PCDHA6: variants seen among roughly 807,000 people sequenced by gnomAD.
PCDHA6 encodes the protein protocadherin alpha-6.
A neutral mutation model predicts 60.3 loss-of-function variants in PCDHA6; 55 were observed. The observed-to-expected ratio is 0.91, with a 90% CI of 0.73 to 1.14. The LOEUF is 1.14. Among genes scored for constraint, PCDHA6 ranks in the 50% most tolerant of loss-of-function variants. The pLI, the probability that PCDHA6 is intolerant of heterozygous loss-of-function variation, is 0.00. For synonymous variants in PCDHA6, 652 were observed against 557.9 expected (o/e 1.17, Z -2.38); for missense variants, 1,327 against 1,256.5 (o/e 1.06, Z -0.85).
At chr5:140,938,336 A>G (rs1251086891) in intron 1 of PCDHA6, among the ~76,000 whole-genome samples, 1 of 152,204 alleles carries the variant, frequency 6.6e-6, no homozygotes, top group African/African-American at 2.4e-5. Context: ...ATGTTAATGG[A>G]TAATCTTGTC....
chr5:140,863,393 C>T (rs782189753), intron 1 of PCDHA6: 2 of 924,736 alleles, frequency 2.2e-6, no homozygotes, highest in African/African-American at 1.7e-5. Context: ...TCGTGCATGC[C>T]GGGCAAGCCC....
At chr5:140,947,106 C>T (rs1172898991) in intron 1 of PCDHA6, among the ~76,000 whole-genome samples, 2 of 151,140 alleles carry the variant, frequency 1.3e-5, no homozygotes, top group Non-Finnish European at 3.0e-5. Context: ...TAAATAGGTA[C>T]GTGTCAATTA....
At chr5:140,863,216 C>T (rs781920741) in intron 1 of PCDHA6, 10 of 1,084,230 alleles carry the variant, frequency 9.2e-6, no homozygotes, top group African/African-American at 3.2e-5. Flanking sequence ...AGCAGCCAAG[C>T]GAGGAAGGTC....
intron 1 of PCDHA6, among the ~76,000 whole-genome samples, chr5:140,950,237 A>G (rs1192417956): frequency 6.6e-6 from 1 of 151,954 alleles, no homozygotes; most frequent in African/African-American, 2.4e-5. Flanking sequence ...AGTGCCATTA[A>G]TTTGTTCCTA....
chr5:140,944,464 G>T (rs2093661298), intron 1 of PCDHA6, among the ~76,000 whole-genome samples: 1 of 152,158 alleles, frequency 6.6e-6, no homozygotes, highest in African/African-American at 2.4e-5. Context: ...TGGGATTACA[G>T]GTATGAGGCA....
intron 2 of PCDHA6, among the ~76,000 whole-genome samples, chr5:140,982,104 G>A (rs1280175443): frequency 6.6e-6 from 1 of 152,256 alleles, no homozygotes; most frequent in Non-Finnish European, 1.5e-5. Flanking sequence ...GAACCTGCAA[G>A]AGAGGCTTGG....
At chr5:140,953,118 A>G (rs2094850559) in intron 1 of PCDHA6, among the ~76,000 whole-genome samples, 1 of 152,162 alleles carries the variant, frequency 6.6e-6, no homozygotes, top group Non-Finnish European at 1.5e-5. Context: ...AGGGACACAG[A>G]TCTAAACCGT....
rs1209791227 is a variant in PCDHA6, at chr5:140,923,921, C to A, written c.2395-55028C>A. Among the ~76,000 whole-genome samples, 3 of 152,180 alleles carry A rather than the reference C, an allele frequency of 2.0e-5. No individual in the cohort carries two copies. The East Asian group carries it at 5.8e-4, about 29-fold the overall frequency. On this transcript the variant is annotated intron_variant, in intron 1 of 3. Transcript: ENST00000529310. ...TTCTGTGAAGATTTCCCATACTGTT[C>A]TCTGTATGCATTTTTCCTTTTTTCC...
chr5:140,830,270 C>G lies in PCDHA6; in HGVS notation c.2179C>G (p.Pro727Ala). The G allele has an allele frequency of 1.2e-6, 2 of 1,613,610 alleles. No homozygotes were observed. Among genetic ancestry groups the G allele is most frequent in the Non-Finnish European group, 1.7e-6 (2 of 1,179,666 alleles). ...LYTALRCSAP[P>A]TEGACTADKP... The stretch of plus-strand genomic sequence containing the variant: ...CACAGCGCTGCGGTGCTCGGCGCCA[C>G]CCACCGAGGGCGCGTGCACGGCGGA... The change falls in exon 1 of 4, where the codon CCC becomes GCC. Residue 727 changes from proline to alanine, a missense_variant. Physicochemically the swap from Pro to Ala is conservative, Grantham distance 27. Coordinates refer to ENST00000529310, the MANE Select transcript of PCDHA6 (RefSeq NM_018909.4).
chr5:140,869,652 A>C (rs2051311295), intron 1 of PCDHA6: 4 of 1,613,458 alleles, frequency 2.5e-6, no homozygotes, highest in South Asian at 2.2e-5. Context: ...TAGATTCACC[A>C]ACAAATGGTA....
chr5:140,917,334 G>GC (rs1563019411), intron 1 of PCDHA6, among the ~76,000 whole-genome samples: 1 of 147,630 alleles, frequency 6.8e-6, no homozygotes, highest in Non-Finnish European at 1.5e-5. Context: ...CGGGGGAGGG[G>GC]GGGGATGGTG....
intron 1 of PCDHA6, among the ~76,000 whole-genome samples, chr5:140,961,952 C>T (rs2095645754): frequency 6.6e-6 from 1 of 151,264 alleles, no homozygotes; most frequent in South Asian, 2.1e-4. Flanking sequence ...GGCATGATCT[C>T]GGCTCACTGC....
In PCDHA6 at chr5:140,848,671, T is replaced by C. The variant is rs2150416657; in HGVS notation, c.2394+18186T>C. The C allele has an allele frequency of 3.1e-6, 5 of 1,592,316 alleles. 1 individual carries two copies. The highest frequency in any genetic ancestry group is 2.2e-5 in the South Asian group (2 of 90,134). On this transcript the variant is annotated intron_variant, in intron 1 of 3. Transcript: ENST00000529310. ...GACCTGGGGCTGGAGCTGGCGGAGCTGGTGCCGCGCCTGTTCCAGTTGGAT... is the reference window on the plus strand; with the variant it reads ...GACCTGGGGCTGGAGCTGGCGGAGCCGGTGCCGCGCCTGTTCCAGTTGGAT...
chr5:141,007,472 G>A (rs2098331789), intron 3 of PCDHA6, among the ~76,000 whole-genome samples: 1 of 151,844 alleles, frequency 6.6e-6, no homozygotes, highest in Non-Finnish European at 1.5e-5. Context: ...GGAGGCTGAG[G>A]CACGAGAATT....
rs782527785 is a variant in PCDHA6, at chr5:140,882,593, A to C, written c.2394+52108A>C. 1.9e-6 allele frequency: 3 copies of C among 1,614,126 alleles called. No homozygotes were observed. In the African/African-American group the frequency reaches 4.0e-5, roughly 22 times the overall value. On this transcript the variant is annotated intron_variant, in intron 1 of 3. Coordinates refer to ENST00000529310, the MANE Select transcript of PCDHA6 (RefSeq NM_018909.4). ...GGAGTGCAGCATCCACCTGGAGGTG[A>C]TCGTGGACAGGCCTCTGCAGGTTTT...
chr5:140,852,012 T>C (rs2042217314), intron 1 of PCDHA6: 1 of 965,684 alleles, frequency 1.0e-6, no homozygotes, highest in East Asian at 1.1e-4. Context: ...TAATTTATAG[T>C]TTTAAAAACT....
chr5:141,011,997 A>G lies in PCDHA6; in HGVS notation c.*2060A>G, dbSNP rs2098422641. ...TGTCTACTTTTAGCTTCATTCTCCCATATTTTGAAGGGTGTGTAACTTCAG... is the reference window on the plus strand; with the variant it reads ...TGTCTACTTTTAGCTTCATTCTCCCGTATTTTGAAGGGTGTGTAACTTCAG... On this transcript the variant is annotated 3_prime_UTR_variant, in exon 4 of 4. Coordinates refer to ENST00000529310, the MANE Select transcript of PCDHA6 (RefSeq NM_018909.4). 1 of 153,712 alleles carries G rather than the reference A, an allele frequency of 6.5e-6. No homozygotes were observed. Among genetic ancestry groups the G allele is most frequent in the Non-Finnish European group, 1.5e-5 (1 of 68,034 alleles). 9.5% of individuals were successfully genotyped at this position (153,712 alleles called of 1,614,324 possible).
rs2153592349 is a variant in PCDHA6 at position 140,927,874 on chromosome 5, G to A, written c.2395-51075G>A. 1.9e-6 allele frequency: 3 copies of A among 1,614,102 alleles called. No individual in the cohort carries two copies. The East Asian group carries it at 6.7e-5, about 36-fold the overall frequency. Reference sequence around the variant, plus strand: ...TTTAGCTAGCACCGCTAAACTGCTGGTGGAGGTGACTGACGTGAACGATCA... The same window carrying A: ...TTTAGCTAGCACCGCTAAACTGCTGATGGAGGTGACTGACGTGAACGATCA... On this transcript the variant is annotated intron_variant, in intron 1 of 3. Coordinates refer to ENST00000529310, the MANE Select transcript of PCDHA6 (RefSeq NM_018909.4).
At chr5:140,870,227 A>G in intron 1 of PCDHA6, 1 of 1,614,142 alleles carries the variant, frequency 6.2e-7, no homozygotes, top group Non-Finnish European at 8.5e-7. Flanking sequence ...AGCGTGTCTG[A>G]CCGTGACTCA....
Sources: allele counts gnomAD v4.1 joint callset (sites outside exome capture counted in the v4.1 genomes callset), GRCh38; gene constraint gnomAD v4.1.1; transcripts MANE v1.5; gene names NCBI Gene and HGNC (gene_info 2026-07-23, HGNC 2026-07-21).